Variants in LRBA observed in about 807,000 individuals in gnomAD.
The protein encoded by LRBA is lipopolysaccharide-responsive and beige-like anchor protein.
In LRBA, 176 loss-of-function variants were observed where a neutral mutation model predicts 330.0. The ratio of observed to expected loss-of-function variants is 0.53; its 90% CI spans 0.47 to 0.60. LRBA has a LOEUF of 0.60. LRBA is among the 20% of genes least tolerant of loss of function. LRBA has a pLI of 0.00. For synonymous variants in LRBA, 1,230 were observed against 1,193.0 expected (o/e 1.03, Z -0.64); for missense variants, 3,259 against 3,444.8 (o/e 0.95, Z 1.35).
At chr4:150,478,025 G>C (rs1035486043) in intron 42 of LRBA, among the ~76,000 whole-genome samples, 1 of 152,082 alleles carries the variant, frequency 6.6e-6, no homozygotes, top group Non-Finnish European at 1.5e-5. Context: ...TTTGCTCTTA[G>C]TGTTGTTGTT....
At chr4:150,873,461 T>C (rs1008839788) in intron 17 of LRBA, among the ~76,000 whole-genome samples, 2 of 151,864 alleles carry the variant, frequency 1.3e-5, no homozygotes, top group Non-Finnish European at 2.9e-5. Context: ...TGTGGTGGCA[T>C]GTGCCTCTAA....
chr4:150,951,874 G>T (rs1736871986), intron 2 of LRBA, among the ~76,000 whole-genome samples: 1 of 152,028 alleles, frequency 6.6e-6, no homozygotes, highest in African/African-American at 2.4e-5. Context: ...ATAAAACAAA[G>T]TATGATTTTT....
rs756165242 is a variant in LRBA, at chr4:150,285,980, C to G, written c.8072G>C (p.Cys2691Ser). 8 of 1,598,552 alleles carry G rather than the reference C, an allele frequency of 5.0e-6. No homozygotes were observed. In the South Asian group the frequency reaches 7.9e-5, roughly 16 times the overall value. The change falls in exon 54 of 57, where the codon TGT becomes TCT. Residue 2691 changes from cysteine (C) to serine (S), a missense_variant. Coordinates refer to ENST00000651943, the MANE Select transcript of LRBA (RefSeq NM_001364905.1). ...ILTGHDYEVTCAAVCAELGLV... is the reference protein window; with the variant it reads ...ILTGHDYEVTSAAVCAELGLV... ...GCCTAGCTCCGCACACACCGCAGCA[C>G]ATGTGACCTCATAGTCATGGCCGGT...
intron 47 of LRBA, among the ~76,000 whole-genome samples, chr4:150,364,893 A>G (rs931514784): frequency 4.6e-5 from 7 of 151,954 alleles, no homozygotes; most frequent in African/African-American, 1.7e-4. Context: ...TTTTTCATTA[A>G]TGTAACCATA....
chr4:150,838,689 C>A (rs140428471), intron 28 of LRBA, among the ~76,000 whole-genome samples: 2 of 152,112 alleles, frequency 1.3e-5, no homozygotes, highest in African/African-American at 4.8e-5. Flanking sequence ...GTTTGCCATT[C>A]GTCTAATCTT....
In LRBA at chr4:150,761,806, A is replaced by G; in HGVS notation, c.5622T>C (p.Phe1874=). The change falls in exon 35 of 57, where the codon TTT becomes TTC. Residue 1874 remains phenylalanine (F), a synonymous_variant. Transcript: ENST00000651943. ...NSIQKNAGLA[F]IELVNEGRLL... is the part of the protein sequence containing the mutation. ...ACCTTCCTTCATTGACAAGTTCGAT[A>G]AAAGCAAGGCCTGCATTCTTCTGAA... 6.5e-7 allele frequency: 1 copy of G among 1,550,184 alleles called. No homozygotes were observed. Among genetic ancestry groups the G allele is most frequent in the Non-Finnish European group, 8.7e-7 (1 of 1,154,450 alleles).
chr4:150,469,580 T>G (rs1472514677), intron 43 of LRBA, among the ~76,000 whole-genome samples: 1 of 152,226 alleles, frequency 6.6e-6, no homozygotes, highest in Non-Finnish European at 1.5e-5. Flanking sequence ...ACTAGTTCTA[T>G]AATTTCTACT....
At chr4:150,359,705 G>A (rs1243121015) in intron 47 of LRBA, among the ~76,000 whole-genome samples, 1 of 152,122 alleles carries the variant, frequency 6.6e-6, no homozygotes, top group East Asian at 1.9e-4. Context: ...GTTTGACCAG[G>A]CGCAGTGGGT....
At chr4:150,958,055 T>C (rs953958058) in intron 2 of LRBA, among the ~76,000 whole-genome samples, 1 of 148,952 alleles carries the variant, frequency 6.7e-6, no homozygotes, top group Admixed American at 6.6e-5. Flanking sequence ...GTCTGGAAGA[T>C]TGTGGCCCTC....
intron 40 of LRBA, among the ~76,000 whole-genome samples, chr4:150,524,928 C>T (rs1763297685): frequency 6.6e-6 from 1 of 152,126 alleles, no homozygotes; most frequent in South Asian, 2.1e-4. Flanking sequence ...ACTCCAAAGC[C>T]TGACAGAAGT....
intron 42 of LRBA, among the ~76,000 whole-genome samples, chr4:150,480,961 T>A (rs532288050): frequency 4.3e-4 from 66 of 152,188 alleles, no homozygotes; most frequent in Non-Finnish European, 7.5e-4. Flanking sequence ...TTGTATACTT[T>A]AACAAATCTC....
chr4:150,642,284 C>G (rs916315624), intron 37 of LRBA, among the ~76,000 whole-genome samples: 1 of 151,368 alleles, frequency 6.6e-6, no homozygotes, highest in Non-Finnish European at 1.5e-5. Context: ...TTCTTATGCA[C>G]AAAAAATAGA....
At chr4:150,956,543 C>T (rs1676966497) in intron 2 of LRBA, among the ~76,000 whole-genome samples, 1 of 148,932 alleles carries the variant, frequency 6.7e-6, no homozygotes, top group South Asian at 2.1e-4. Context: ...CCGGTACTAA[C>T]CTTATGCCAA....
chr4:150,998,980 C>T (rs1363741186), intron 2 of LRBA, among the ~76,000 whole-genome samples: 2 of 152,180 alleles, frequency 1.3e-5, no homozygotes, highest in African/African-American at 4.8e-5. Context: ...TTCATCACTT[C>T]GTTATACCTT....
chr4:150,874,851 A>C (rs1007420004), intron 17 of LRBA, among the ~76,000 whole-genome samples: 6 of 152,320 alleles, frequency 3.9e-5, no homozygotes, highest in African/African-American at 1.4e-4. Flanking sequence ...ATGCACAGGC[A>C]GATCTCCAGG....
At chr4:150,954,788 T>C (rs1463320731) in intron 2 of LRBA, among the ~76,000 whole-genome samples, 1 of 21,904 alleles carries the variant, frequency 4.6e-5, no homozygotes, top group African/African-American at 2.4e-4. Context: ...TTTTAAAAAT[T>C]AAAAAAAAAA....
chr4:150,769,659 G>A (rs1736287351), intron 34 of LRBA, among the ~76,000 whole-genome samples: 1 of 152,100 alleles, frequency 6.6e-6, no homozygotes, highest in Admixed American at 6.5e-5. Context: ...TTTTTACTCA[G>A]TCTACCAATT....
chr4:150,988,267 T>C (rs1741675439), intron 2 of LRBA, among the ~76,000 whole-genome samples: 1 of 152,190 alleles, frequency 6.6e-6, no homozygotes, highest in South Asian at 2.1e-4. Flanking sequence ...GATCCCATTA[T>C]TGAGCATGGT....
At position 150,583,007 on chromosome 4, in the gene LRBA, A is replaced by G. The variant is rs762352154; in HGVS notation, c.6330+5041T>C. ...TCAACGTATTGCGAGACGCCGGTGT[A>G]TAGCCCGGACCTGTGCCCCAACATG... is the stretch of plus-strand genomic sequence containing the variant. On this transcript the variant is annotated intron_variant, in intron 40 of 56. Coordinates refer to ENST00000651943, the MANE Select transcript of LRBA (RefSeq NM_001364905.1). The surrounding 1 kb of genome is among the most constrained non-coding windows in gnomAD (Gnocchi z 9.8). 5 of 1,557,938 alleles carry G rather than the reference A, an allele frequency of 3.2e-6. No homozygotes were observed. The Admixed American group carries it at 9.4e-5, about 29-fold the overall frequency.
Sources: gnomAD v4.1 joint callset for allele counts (sites outside exome capture counted in the v4.1 genomes callset) on GRCh38, gnomAD v4.1.1 for gene constraint, Gnocchi (gnomAD v3.1) non-coding constraint, MANE v1.5 for transcripts, NCBI Gene and HGNC (gene_info 2026-07-23, HGNC 2026-07-21) for gene names.